Variants in CPSF4L observed in about 807,000 individuals in gnomAD.
CPSF4L encodes the protein putative cleavage and polyadenylation specificity factor subunit 4-like protein.
CPSF4L carries 18 observed loss-of-function variants against 24.0 expected under a neutral mutation model. That is an observed-to-expected ratio of 0.75 (90% confidence interval 0.52 to 1.11). CPSF4L has a LOEUF of 1.11. Among genes scored for constraint, CPSF4L ranks in the 50% least tolerant of loss-of-function variants. The pLI, the probability that CPSF4L is intolerant of heterozygous loss-of-function variation, is 0.00. For missense variants in CPSF4L, 211 were observed against 221.8 expected, an observed-to-expected ratio of 0.95 and a Z score of 0.31; for synonymous variants, 72 against 77.2, an observed-to-expected ratio of 0.93 and a Z score of 0.35.
intron 5 of CPSF4L, chr17:73,251,028 T>A: frequency 6.5e-7 from 1 of 1,549,762 alleles, no homozygotes; most frequent in Non-Finnish European, 8.7e-7. Flanking sequence ...GAGCAGGCAC[T>A]CTGTTGGGGA....
At chr17:73,245,183 G>GT, downstream of CPSF4L, 5 of 1,573,210 alleles carry the variant, frequency 3.2e-6, no homozygotes, top group Non-Finnish European at 4.4e-6. Context: ...CAGCGGTGGC[G>GT]TAAGTAGTGT....
intron 5 of CPSF4L, chr17:73,250,029 G>A: frequency 2.2e-6 from 1 of 460,252 alleles, no homozygotes; most frequent in Non-Finnish European, 3.8e-6. Context: ...CCGTTTTATG[G>A]ATAACTCGTT....
chr17:73,248,685 G>A, intron 5 of CPSF4L, 149 bp from the exon 6 acceptor site: 3 of 821,860 alleles, frequency 3.7e-6, no homozygotes, highest in Non-Finnish European at 5.9e-6. Flanking sequence ...CTACAAGTTG[G>A]GAATATTCAC....
intron 5 of CPSF4L, 159 bp from the exon 6 acceptor site, chr17:73,248,695 C>T (rs186334974): frequency 1.5e-4 from 113 of 745,850 alleles, no homozygotes; most frequent in African/African-American, 1.4e-3. Flanking sequence ...GGAATATTCA[C>T]GGACATGCCT....
intron 1 of CPSF4L, among the ~76,000 whole-genome samples, 155 bp downstream of exon 1, chr17:73,261,561 T>C (rs2062046226): frequency 6.6e-6 from 1 of 152,140 alleles, no homozygotes; most frequent in Non-Finnish European, 1.5e-5. Context: ...CTCGGGAGGC[T>C]GAGGCAGGAG....
chr17:73,252,680 G>A lies in CPSF4L; in HGVS notation c.447C>T (p.Leu149=). 1 of 1,551,582 alleles carries A rather than the reference G, an allele frequency of 6.4e-7. No homozygotes were observed. The highest frequency in any genetic ancestry group is 8.7e-7 in the Non-Finnish European group (1 of 1,146,922). Residue 149 remains leucine, a synonymous_variant, in exon 5 of 6, where the codon CTC becomes CTT. Transcript: ENST00000344935. ...CGGGGCAGAAGCCAACTAAATAGTTGAGACACATTATTCTGGGGACATGGC... is the reference window on the plus strand; with the variant it reads ...CGGGGCAGAAGCCAACTAAATAGTTAAGACACATTATTCTGGGGACATGGC... The part of the protein sequence containing the change: ...KYRHVPRIMC[L]NYLVGFCPEG...
chr17:73,255,864 T>G (rs2062023236), intron 3 of CPSF4L, among the ~76,000 whole-genome samples: 1 of 152,140 alleles, frequency 6.6e-6, no homozygotes, highest in Non-Finnish European at 1.5e-5. Context: ...GGCCAGCAGG[T>G]GGCAGCAGCA....
the CPSF4L span, chr17:73,242,998 G>T: frequency 1.2e-6 from 2 of 1,610,368 alleles, no homozygotes; most frequent in Non-Finnish European, 8.5e-7. Flanking sequence ...AGTTTCAGAC[G>T]TCTGAGTAAG....
intron 5 of CPSF4L, 89 bp downstream of exon 5, chr17:73,252,541 A>G: frequency 1.2e-6 from 1 of 811,334 alleles, no homozygotes; most frequent in Non-Finnish European, 2.1e-6. Context: ...ATTTTCCACT[A>G]AGGACCAGCG....
At chr17:73,247,476 A>T (rs1026828655), downstream of CPSF4L, 5 of 783,784 alleles carry the variant, frequency 6.4e-6, no homozygotes, top group African/African-American at 6.9e-5. Context: ...CCTCAAGGTT[A>T]TCAGGAGCAT....
downstream of CPSF4L, chr17:73,245,417 C>T (rs753193906): frequency 1.9e-5 from 23 of 1,205,242 alleles, no homozygotes; most frequent in Non-Finnish European, 4.1e-6. Context: ...GGCTTGCTCT[C>T]AGGAGCAACT....
At chr17:73,242,105 G>A in the CPSF4L span, 5 of 520,410 alleles carry the variant, frequency 9.6e-6, no homozygotes, top group South Asian at 3.4e-5. Context: ...CTTAGCTGCA[G>A]TCCAATGCAG....
chr17:73,244,232 A>G (rs2061904210), downstream of CPSF4L, among the ~76,000 whole-genome samples: 1 of 152,194 alleles, frequency 6.6e-6, no homozygotes, highest in Admixed American at 6.5e-5. Flanking sequence ...ATTTTTGTAT[A>G]ATTAAATTTT....
intron 5 of CPSF4L, among the ~76,000 whole-genome samples, chr17:73,252,118 G>C (rs756797183): frequency 2.6e-5 from 4 of 152,246 alleles, no homozygotes; most frequent in Non-Finnish European, 5.9e-5. Context: ...GGAATAAAGG[G>C]ATGAGGGATG....
intron 3 of CPSF4L, among the ~76,000 whole-genome samples, chr17:73,256,544 G>A (rs1488317936): frequency 6.6e-6 from 1 of 152,192 alleles, no homozygotes; most frequent in Admixed American, 6.5e-5. Context: ...CTCTTTGTAG[G>A]TCACTCTTTA....
chr17:73,257,416 G>A (rs1286496017), intron 3 of CPSF4L, among the ~76,000 whole-genome samples: 3 of 151,430 alleles, frequency 2.0e-5, no homozygotes, highest in African/African-American at 7.3e-5. Flanking sequence ...AACCAAGAAT[G>A]GGGAGAGAAA....
chr17:73,245,350 T>C, downstream of CPSF4L: 1 of 1,375,720 alleles, frequency 7.3e-7, no homozygotes, highest in South Asian at 1.8e-5. Context: ...AAAATAATGA[T>C]ACAGGAAGTA....
rs372590327 is a variant in CPSF4L at position 73,248,497 on chromosome 17, G to C, written c.537C>G (p.Ile179Met). 152 of 1,551,572 alleles carry C rather than the reference G, an allele frequency of 9.8e-5. No individual in the cohort carries two copies. The highest frequency in any genetic ancestry group is 1.3e-4 in the Non-Finnish European group (145 of 1,146,964). The change falls in exon 6 of 6, where the codon ATC (isoleucine) becomes ATG (methionine). Residue 179 changes from isoleucine (I) to methionine (M), a missense_variant. Ile to Met is a conservative substitution (Grantham distance 10, BLOSUM62 1). Transcript: ENST00000344935. ...REFKLLPGSK[I>M] ...CCCGCTAGGTAAGAAGCAACGCTTA[G>C]ATCTTGCTTCCAGGCAGCAGCTTGA... is the stretch of plus-strand genomic sequence containing the variant.
downstream of CPSF4L, chr17:73,245,131 C>T (rs766042662): frequency 1.3e-5 from 21 of 1,608,048 alleles, no homozygotes; most frequent in Non-Finnish European, 1.7e-5. Flanking sequence ...TGGAAGTGGC[C>T]TCTCGGATCC....
Sources: gnomAD v4.1 joint callset for allele counts (sites outside exome capture counted in the v4.1 genomes callset) on GRCh38, gnomAD v4.1.1 for gene constraint, MANE v1.5 for transcripts, NCBI Gene and HGNC (gene_info 2026-07-23, HGNC 2026-07-21) for gene names.